Variants in EXOC5 observed in about 807,000 individuals in gnomAD.
EXOC5 encodes SEC10-like 1.
A neutral mutation model predicts 90.8 loss-of-function variants in EXOC5; 17 were observed. The observed-to-expected ratio is 0.19, with a 90% CI of 0.13 to 0.28. The LOEUF (loss-of-function observed/expected upper bound fraction) is 0.28, where lower values mean the gene tolerates loss of function less well. Among genes scored for constraint, EXOC5 ranks in the 10% least tolerant of loss-of-function variants. EXOC5 has a pLI of 1.00. For synonymous variants in EXOC5, 260 were observed against 270.0 expected (o/e 0.96, Z 0.36); for missense variants, 569 against 830.6 (o/e 0.69, Z 3.87).
chr14:57,266,835 G>A lies in EXOC5; in HGVS notation c.27+1787C>T, dbSNP rs187496024. Among the ~76,000 whole-genome samples the A allele has an allele frequency of 7.3e-5, 11 of 150,592 alleles. No homozygotes were observed. The East Asian group carries it at 2.1e-3, about 29-fold the overall frequency. On this transcript the variant is annotated intron_variant, in intron 1 of 17. Coordinates refer to ENST00000621441, the MANE Select transcript of EXOC5 (RefSeq NM_006544.4). ...ATTTCCCCACCTCCTCCCCTTCCCC[G>A]CTAGGGAGAGGGGAAAAAAAAAAAT...
chr14:57,255,838 CAAA>C (rs1258346261), intron 1 of EXOC5, among the ~76,000 whole-genome samples: 28 of 59,826 alleles, frequency 4.7e-4, no homozygotes, highest in Admixed American at 5.9e-4. Context: ...TCTCCAAAAG[CAAA>C]AAAAAAAAAA....
At chr14:57,220,477 CACAA>C (rs1883095959) in intron 13 of EXOC5, among the ~76,000 whole-genome samples, 1 of 151,966 alleles carries the variant, frequency 6.6e-6, no homozygotes, top group Non-Finnish European at 1.5e-5. Context: ...AACTGGCACA[CACAA>C]ACAGTCCAGC....
At chr14:57,213,632 C>T (rs1015030011) in intron 15 of EXOC5, among the ~76,000 whole-genome samples, 2 of 151,574 alleles carry the variant, frequency 1.3e-5, no homozygotes, top group Admixed American at 6.6e-5. Flanking sequence ...GGTCTCAGTT[C>T]GAGACTGAGC....
chr14:57,265,987 G>C (rs1884659332), intron 1 of EXOC5, among the ~76,000 whole-genome samples: 1 of 152,132 alleles, frequency 6.6e-6, no homozygotes, highest in Admixed American at 6.5e-5. Context: ...ATATATTACA[G>C]TTTGATTTTG....
chr14:57,235,918 G>A (rs1566732171), intron 6 of EXOC5, 98 bp from the exon 7 acceptor site: 3 of 660,326 alleles, frequency 4.5e-6, no homozygotes, highest in Admixed American at 2.4e-5. Context: ...TATGAATATA[G>A]CTTTCTTTTG....
At chr14:57,268,045 A>G (rs1407040344) in intron 1 of EXOC5, among the ~76,000 whole-genome samples, 4 of 151,970 alleles carry the variant, frequency 2.6e-5, no homozygotes, top group East Asian at 3.9e-4. Flanking sequence ...GTCGAAAGAG[A>G]TAAGTAGGCC....
intron 1 of EXOC5, among the ~76,000 whole-genome samples, chr14:57,255,370 C>T (rs1884320668): frequency 6.6e-6 from 1 of 152,146 alleles, no homozygotes; most frequent in South Asian, 2.1e-4. Context: ...TGCCTTTCCT[C>T]AGAGGCAGTG....
At chr14:57,252,230 C>T (rs951507009) in intron 1 of EXOC5, among the ~76,000 whole-genome samples, 16 of 152,266 alleles carry the variant, frequency 1.1e-4, no homozygotes, top group Middle Eastern at 3.4e-3. Flanking sequence ...CCCTGATACA[C>T]GAAAGCCATA....
intron 1 of EXOC5, among the ~76,000 whole-genome samples, chr14:57,261,742 T>C (rs908154003): frequency 2.0e-5 from 3 of 152,230 alleles, no homozygotes; most frequent in South Asian, 2.1e-4. Context: ...TCTTCCAAGA[T>C]GGCAAGTTGG....
In EXOC5 at chr14:57,207,092, G is replaced by A. The variant is rs1437558539; in HGVS notation, c.*1517C>T. ...CATAATGTCCTAAAATGCTCTGAAA[G>A]AAGTTGGTATACTTCATTCCCCAGC... On this transcript the variant is annotated 3_prime_UTR_variant, in exon 18 of 18. Transcript: ENST00000621441. The A allele has an allele frequency of 6.6e-6, 1 of 152,450 alleles. No homozygotes were observed. Among genetic ancestry groups the A allele is most frequent in the African/African-American group, 2.4e-5 (1 of 41,422 alleles). The allele number at this position is 152,450 out of a possible 1,614,324, so 9.4% of individuals were successfully genotyped here.
At chr14:57,242,855 T>C (rs891322100) in intron 4 of EXOC5, among the ~76,000 whole-genome samples, 1 of 152,098 alleles carries the variant, frequency 6.6e-6, no homozygotes, top group Admixed American at 6.5e-5. Context: ...TAAGTGCCCA[T>C]CAACCAACGA....
At chr14:57,221,354 T>C (rs1405002145) in intron 13 of EXOC5, among the ~76,000 whole-genome samples, 2 of 152,214 alleles carry the variant, frequency 1.3e-5, no homozygotes, top group Non-Finnish European at 2.9e-5. Context: ...CTCTACAGTT[T>C]GCTGTTGTTT....
Position 57,204,208 on chromosome 14 carries a change from A to C in EXOC5, c.*4401T>G, listed in dbSNP as rs1041961484. 2 of 152,164 alleles carry C rather than the reference A, an allele frequency of 1.3e-5. No individual in the cohort carries two copies. Among genetic ancestry groups the C allele is most frequent in the Admixed American group, 6.5e-5 (1 of 15,270 alleles). 9.4% of individuals were successfully genotyped at this position (152,164 alleles called of 1,614,324 possible). On this transcript the variant is annotated 3_prime_UTR_variant, in exon 18 of 18. Coordinates refer to ENST00000621441, the MANE Select transcript of EXOC5 (RefSeq NM_006544.4). ...ACCTCGGGTCTAGTTCAAAAATAGG[A>C]ATTTTGTTAAGCCCAGGGGCAGCCT... is the stretch of plus-strand genomic sequence containing the variant.
At chr14:57,216,812 G>A (rs913345037) in intron 15 of EXOC5, among the ~76,000 whole-genome samples, 4 of 152,056 alleles carry the variant, frequency 2.6e-5, no homozygotes, top group Admixed American at 6.6e-5. Flanking sequence ...AAGAGCTTCC[G>A]CACAGCAAAG....
intron 1 of EXOC5, among the ~76,000 whole-genome samples, chr14:57,260,265 C>T (rs975844352): frequency 1.8e-4 from 28 of 151,942 alleles, no homozygotes; most frequent in African/African-American, 6.5e-4. Flanking sequence ...AAATGGATTT[C>T]AAAGGTAGTA....
chr14:57,207,285 T>C lies in EXOC5; in HGVS notation c.*1324A>G, dbSNP rs540757757. 4.6e-5 allele frequency: 7 copies of C among 152,588 alleles called. No individual in the cohort carries two copies. The highest frequency in any genetic ancestry group is 1.9e-4 in the East Asian group (1 of 5,192). 9.5% of individuals were successfully genotyped at this position (152,588 alleles called of 1,614,324 possible). A position where few individuals can be genotyped will look rare whatever the true frequency, so the allele number is the denominator to read the frequency against. On this transcript the variant is annotated 3_prime_UTR_variant, in exon 18 of 18. Transcript: ENST00000621441. ...TTCCAAAAATAGGCTAAAAAGCCTA[T>C]ATTAAAGAAAAAATGCCAAGAGTGA... is the stretch of plus-strand genomic sequence containing the variant.
rs187206037 is a variant in EXOC5 at position 57,259,206 on chromosome 14, C to T, written c.27+9416G>A. ...CTCCGCCTCCTGGGTTCAAGCAAGT[C>T]TCATGTCTCAGCCTCCTGAGTAGCT... On this transcript the variant is annotated intron_variant, in intron 1 of 17. Coordinates refer to ENST00000621441, the MANE Select transcript of EXOC5 (RefSeq NM_006544.4). Among the ~76,000 whole-genome samples the T allele has an allele frequency of 9.2e-5, 14 of 152,114 alleles. No homozygotes were observed. The East Asian group carries it at 1.5e-3, about 17-fold the overall frequency.
At position 57,204,529 on chromosome 14, in the gene EXOC5, G is replaced by T. The variant is rs1429857037; in HGVS notation, c.*4080C>A. The T allele has an allele frequency of 1.3e-5, 2 of 152,324 alleles. No homozygotes were observed. The highest frequency in any genetic ancestry group is 4.8e-5 in the African/African-American group (2 of 41,410). The allele number at this position is 152,324 out of a possible 1,614,324, so 9.4% of individuals were successfully genotyped here. ...TAGTTAACACAATTGGCAAGCCTAT[G>T]ACATTTAAAATAGTTTTTGAACATA... On this transcript the variant is annotated 3_prime_UTR_variant, in exon 18 of 18. Transcript: ENST00000621441.
At chr14:57,234,542 T>C (rs1883597370) in intron 7 of EXOC5, among the ~76,000 whole-genome samples, 1 of 147,588 alleles carries the variant, frequency 6.8e-6, no homozygotes, top group Admixed American at 6.8e-5. Context: ...TGTGTGTATA[T>C]ATATATATAT....
Sources: allele counts gnomAD v4.1 joint callset (sites outside exome capture counted in the v4.1 genomes callset), GRCh38; gene constraint gnomAD v4.1.1; transcripts MANE v1.5; gene names NCBI Gene and HGNC (gene_info 2026-07-23, HGNC 2026-07-21).